EFCAB6: variants seen among roughly 807,000 people sequenced by gnomAD.
EFCAB6 encodes EF-hand calcium-binding domain-containing protein 6.
Under a neutral mutation model 169.8 loss-of-function variants are expected in EFCAB6, and 156 were observed. That is an observed-to-expected ratio of 0.92 (90% confidence interval 0.81 to 1.05). The LOEUF (loss-of-function observed/expected upper bound fraction) is 1.05, where lower values mean the gene tolerates loss of function less well. EFCAB6 is among the 50% of genes least tolerant of loss of function. EFCAB6 has a pLI of 0.00. For synonymous variants in EFCAB6, 698 were observed against 676.4 expected, an observed-to-expected ratio of 1.03 and a Z score of -0.50; for missense variants, 1,800 against 1,829.1, an observed-to-expected ratio of 0.98 and a Z score of 0.29.
chr22:43,596,514 T>C (rs1258867530), intron 23 of EFCAB6, among the ~76,000 whole-genome samples: 2 of 151,702 alleles, frequency 1.3e-5, no homozygotes, highest in Non-Finnish European at 2.9e-5. Flanking sequence ...ACAAAGAATA[T>C]AAAATACCTA....
Position 43,530,933 on chromosome 22 carries a change from TA to T in EFCAB6, c.4264del (p.Tyr1422ThrfsTer33). On this transcript the variant is annotated frameshift_variant, in exon 31 of 32. Transcript: ENST00000262726. LOFTEE classifies it high-confidence loss of function. ...GGGCTGAATACGCAGCAGAGCAGAGTAAAAAGATGGCGTCTCCGCGCCGGCT... is the reference window on the plus strand; with the variant it reads ...GGGCTGAATACGCAGCAGAGCAGAGTAAAAGATGGCGTCTCCGCGCCGGCT... ...KEAGAETPSFYSALLRIQPKI... is the reference protein window; with the variant it reads ...KEAGAETPSFXSALLRIQPKI... 3.1e-6 allele frequency: 5 copies of T among 1,613,680 alleles called. No homozygotes were observed. The highest frequency in any genetic ancestry group is 3.4e-6 in the Non-Finnish European group (4 of 1,180,012).
At chr22:43,736,524 G>A (rs1475552728) in intron 6 of EFCAB6, among the ~76,000 whole-genome samples, 1 of 152,028 alleles carries the variant, frequency 6.6e-6, no homozygotes, top group Non-Finnish European at 1.5e-5. Flanking sequence ...CATTAGGATA[G>A]GCCCTGTGGA....
At chr22:43,780,473 T>A (rs2061784677) in intron 3 of EFCAB6, among the ~76,000 whole-genome samples, 1 of 96,838 alleles carries the variant, frequency 1.0e-5, no homozygotes, top group Non-Finnish European at 1.8e-5. Flanking sequence ...GATGACAGAG[T>A]AAGACTCTGT....
At chr22:43,560,889 G>A (rs559616501) in intron 26 of EFCAB6, among the ~76,000 whole-genome samples, 1 of 152,186 alleles carries the variant, frequency 6.6e-6, no homozygotes, top group Non-Finnish European at 1.5e-5. Flanking sequence ...CACTTGGGGA[G>A]GCAGGGGACG....
At chr22:43,596,520 A>G (rs2052021039) in intron 23 of EFCAB6, among the ~76,000 whole-genome samples, 3 of 152,146 alleles carry the variant, frequency 2.0e-5, no homozygotes, top group African/African-American at 4.8e-5. Context: ...AATATAAAAT[A>G]CCTAAAAATC....
chr22:43,708,128 C>A (rs2059024811), intron 10 of EFCAB6, among the ~76,000 whole-genome samples: 1 of 150,026 alleles, frequency 6.7e-6, no homozygotes, highest in South Asian at 2.1e-4. Flanking sequence ...GAAAGTTGGC[C>A]AGGCACAGTG....
At chr22:43,746,782 C>T (rs149738064) in intron 6 of EFCAB6, among the ~76,000 whole-genome samples, 15 of 152,350 alleles carry the variant, frequency 9.8e-5, no homozygotes, top group Admixed American at 9.8e-4. Flanking sequence ...AAAAGGGCTG[C>T]TGATCTATAA....
chr22:43,563,527 T>C (rs879896965), intron 26 of EFCAB6, among the ~76,000 whole-genome samples: 1 of 152,178 alleles, frequency 6.6e-6, no homozygotes, highest in Non-Finnish European at 1.5e-5. Flanking sequence ...ATCTTGCCAC[T>C]GCACTCCAGC....
chr22:43,756,975 G>A (rs1047146006), intron 5 of EFCAB6, among the ~76,000 whole-genome samples: 1 of 152,160 alleles, frequency 6.6e-6, no homozygotes, highest in African/African-American at 2.4e-5. Context: ...GAGAAGGTGT[G>A]CAGGCTATGT....
Position 43,655,030 on chromosome 22 carries a change from A to G in EFCAB6, c.1983+12074T>C, listed in dbSNP as rs2056666941. On this transcript the variant is annotated intron_variant, in intron 17 of 31. Coordinates refer to ENST00000262726, the MANE Select transcript of EFCAB6 (RefSeq NM_022785.4). Reference sequence around the variant, plus strand: ...CTTAGCACTTTGGGAGGCTGAGCCGAGCGGATCACCTGAGGTCAGGAGTTC... The same window carrying G: ...CTTAGCACTTTGGGAGGCTGAGCCGGGCGGATCACCTGAGGTCAGGAGTTC... Among the ~76,000 whole-genome samples the G allele has an allele frequency of 2.0e-5, 3 of 152,224 alleles. No homozygotes were observed. In the South Asian group the frequency reaches 6.2e-4, roughly 32 times the overall value.
At chr22:43,739,280 C>T (rs1464161077) in intron 6 of EFCAB6, among the ~76,000 whole-genome samples, 1 of 152,242 alleles carries the variant, frequency 6.6e-6, no homozygotes, top group Non-Finnish European at 1.5e-5. Flanking sequence ...GACACAGCTG[C>T]TTGGCCCTTC....
chr22:43,673,685 C>T lies in EFCAB6; in HGVS notation c.1420-1380G>A, dbSNP rs568226499. Reference sequence around the variant, plus strand: ...ATCCCAGCTACTCGGGAGGCTGTCGCAGGAGAATCATTTGAACCCAGGAGG... The same window carrying T: ...ATCCCAGCTACTCGGGAGGCTGTCGTAGGAGAATCATTTGAACCCAGGAGG... On this transcript the variant is annotated intron_variant, in intron 13 of 31. Transcript: ENST00000262726. 6.7e-4 allele frequency among the ~76,000 whole-genome samples: 102 copies of T among 152,266 alleles called. 1 individual carries two copies. Among genetic ancestry groups the T allele is most frequent in the African/African-American group, 2.3e-3 (97 of 41,546 alleles).
chr22:43,688,567 C>G (rs1267551437), intron 10 of EFCAB6, among the ~76,000 whole-genome samples: 2 of 152,200 alleles, frequency 1.3e-5, no homozygotes, highest in East Asian at 3.9e-4. Flanking sequence ...TCCTGCACTT[C>G]CTACTGATGT....
At chr22:43,590,890 A>C (rs1240885500) in intron 23 of EFCAB6, among the ~76,000 whole-genome samples, 1 of 152,056 alleles carries the variant, frequency 6.6e-6, no homozygotes, top group East Asian at 1.9e-4. Context: ...TAAGGAGGAG[A>C]AGAAGGGCAG....
intron 8 of EFCAB6, among the ~76,000 whole-genome samples, chr22:43,718,649 G>A (rs962663954): frequency 3.3e-5 from 5 of 152,110 alleles, no homozygotes; most frequent in Non-Finnish European, 4.4e-5. Context: ...CGGTCATTGC[G>A]GCACGCCTAT....
chr22:43,609,337 G>C (rs1407500212), intron 21 of EFCAB6, among the ~76,000 whole-genome samples: 1 of 152,052 alleles, frequency 6.6e-6, no homozygotes, highest in Non-Finnish European at 1.5e-5. Context: ...AATCAGGCAA[G>C]AAAAAGGATA....
chr22:43,708,305 C>T (rs911509310), intron 10 of EFCAB6, among the ~76,000 whole-genome samples: 5 of 152,074 alleles, frequency 3.3e-5, no homozygotes, highest in South Asian at 2.1e-4. Context: ...ACTGGAGAAG[C>T]TGAGGCAGGA....
chr22:43,684,942 A>G (rs2058135145), intron 11 of EFCAB6, among the ~76,000 whole-genome samples: 1 of 152,172 alleles, frequency 6.6e-6, no homozygotes, highest in Non-Finnish European at 1.5e-5. Context: ...GAAAGATGCA[A>G]TCCCAAATGC....
Position 43,682,129 on chromosome 22 carries a change from C to T in EFCAB6, c.1251+1618G>A, listed in dbSNP as rs12167842. Among the ~76,000 whole-genome samples the T allele has an allele frequency of 4.1e-3, 629 of 152,198 alleles. 3 individuals are homozygous for T. Among genetic ancestry groups the T allele is most frequent in the African/African-American group, 0.014 (601 of 41,536 alleles). On this transcript the variant is annotated intron_variant, in intron 12 of 31. Coordinates refer to ENST00000262726, the MANE Select transcript of EFCAB6 (RefSeq NM_022785.4). Reference sequence around the variant, plus strand: ...ATTCTCCTTCTTACCTAGTCCCCTCCGTAGTGGGGTGCATGGTGGGGGGAT... The same window carrying T: ...ATTCTCCTTCTTACCTAGTCCCCTCTGTAGTGGGGTGCATGGTGGGGGGAT...
Sources: allele counts gnomAD v4.1 joint callset (sites outside exome capture counted in the v4.1 genomes callset), GRCh38; gene constraint gnomAD v4.1.1; transcripts MANE v1.5; gene names NCBI Gene and HGNC (gene_info 2026-07-23, HGNC 2026-07-21).